Variants in NALF1 observed in about 807,000 individuals in gnomAD.
The protein encoded by NALF1 is family with sequence similarity 155 member A.
Under a neutral mutation model 48.4 loss-of-function variants are expected in NALF1, and 3 were observed. The observed-to-expected ratio is 0.06, with a 90% CI of 0.03 to 0.16. The LOEUF is 0.16. Among genes scored for constraint, NALF1 ranks in the 10% least tolerant of loss-of-function variants. The pLI is 1.00. For missense variants in NALF1, 526 were observed against 571.5 expected (o/e 0.92, Z 0.81); for synonymous variants, 262 against 245.7 (o/e 1.07, Z -0.62).
intron 1 of NALF1, among the ~76,000 whole-genome samples, chr13:107,541,057 T>C (rs1876985272): frequency 6.6e-6 from 1 of 152,162 alleles, no homozygotes; most frequent in Non-Finnish European, 1.5e-5. Flanking sequence ...TGACAGCCTC[T>C]TGTAATAAAC....
intron 1 of NALF1, among the ~76,000 whole-genome samples, chr13:107,655,021 G>A (rs1194830088): frequency 6.6e-6 from 1 of 152,014 alleles, no homozygotes; most frequent in Non-Finnish European, 1.5e-5. Flanking sequence ...AGTCATCTAC[G>A]ACAAACCCAC....
At chr13:107,456,471 C>T (rs1884827561) in intron 1 of NALF1, among the ~76,000 whole-genome samples, 1 of 152,172 alleles carries the variant, frequency 6.6e-6, no homozygotes, top group Non-Finnish European at 1.5e-5. Flanking sequence ...CAATGAAACT[C>T]TCCATTTGGC....
intron 1 of NALF1, among the ~76,000 whole-genome samples, chr13:107,563,803 GAAATA>G (rs1877713391): frequency 6.6e-6 from 1 of 152,184 alleles, no homozygotes; most frequent in Non-Finnish European, 1.5e-5. Flanking sequence ...TGGAGGGTTT[GAAATA>G]ACATTTACTT....
chr13:107,736,210 C>CAA (rs1489929353), intron 1 of NALF1, among the ~76,000 whole-genome samples: 65 of 5,898 alleles, frequency 0.011, 1 homozygote, highest in Admixed American at 0.019. Flanking sequence ...CACACACACA[C>CAA]ACACACACAC....
intron 1 of NALF1, among the ~76,000 whole-genome samples, chr13:107,393,547 T>C (rs1883661272): frequency 6.6e-6 from 1 of 152,184 alleles, no homozygotes; most frequent in South Asian, 2.1e-4. Context: ...GAAGGAGATG[T>C]TATTTAATTT....
intron 1 of NALF1, among the ~76,000 whole-genome samples, chr13:107,407,068 A>G (rs937886044): frequency 1.3e-5 from 2 of 152,094 alleles, no homozygotes; most frequent in African/African-American, 4.8e-5. Flanking sequence ...AGCCATATAC[A>G]GAAGAATGAA....
rs767748270 is a variant in NALF1 at position 107,866,230 on chromosome 13, G to C, written c.367C>G (p.Leu123Val). 6.3e-7 allele frequency: 1 copy of C among 1,595,420 alleles called. No individual in the cohort carries two copies. The highest frequency in any genetic ancestry group is 8.5e-7 in the Non-Finnish European group (1 of 1,172,148). ...AGGGTGGGGGACGAGGAGGCGGAGAGGAGTCTGTGTGCCTGGGCGGCGGGC... is the reference window on the plus strand; with the variant it reads ...AGGGTGGGGGACGAGGAGGCGGAGACGAGTCTGTGTGCCTGGGCGGCGGGC... ...SSPAAQAHRL[L>V]SASSSPTLPP... The change falls in exon 1 of 3, where the codon CTC becomes GTC. Residue 123 changes from leucine (L) to valine (V), a missense_variant. Physicochemically the swap from Leu to Val is conservative, Grantham distance 32. Coordinates refer to ENST00000375915, the MANE Select transcript of NALF1 (RefSeq NM_001080396.3). This position sits in a 1 kb window ranked among gnomAD's most constrained non-coding sequence, Gnocchi z 4.4.
chr13:107,724,387 A>G (rs1876087047), intron 1 of NALF1, among the ~76,000 whole-genome samples: 1 of 152,198 alleles, frequency 6.6e-6, no homozygotes, highest in East Asian at 1.9e-4. Context: ...CATAATCCTG[A>G]TTTTTATCTT....
chr13:107,584,266 C>A (rs965636399), intron 1 of NALF1, among the ~76,000 whole-genome samples: 4 of 152,032 alleles, frequency 2.6e-5, no homozygotes, highest in African/African-American at 9.7e-5. Context: ...AGACATATAT[C>A]ACAGTTATTT....
chr13:107,538,223 T>C (rs1876893859), intron 1 of NALF1, among the ~76,000 whole-genome samples: 1 of 152,168 alleles, frequency 6.6e-6, no homozygotes, highest in Non-Finnish European at 1.5e-5. Flanking sequence ...AGCCATGTAA[T>C]AAATGCATTT....
chr13:107,598,172 C>T lies in NALF1; in HGVS notation c.915+267510G>A, dbSNP rs548288712. ...ACAACATGCACACACAATACACACA[C>T]AGGCATACACACAACACTAATTTGT... On this transcript the variant is annotated intron_variant, in intron 1 of 2. Transcript: ENST00000375915. Among the ~76,000 whole-genome samples, 28 of 152,302 alleles carry T rather than the reference C, an allele frequency of 1.8e-4. No homozygotes were observed. The South Asian group carries it at 5.6e-3, about 30-fold the overall frequency.
chr13:107,689,459 TAA>T (rs1881517997), intron 1 of NALF1, among the ~76,000 whole-genome samples: 1 of 152,172 alleles, frequency 6.6e-6, no homozygotes, highest in African/African-American at 2.4e-5. Context: ...GAAATGAAAT[TAA>T]AACAGTTTTG....
chr13:107,863,358 T>A (rs1353835308), intron 1 of NALF1, among the ~76,000 whole-genome samples: 1 of 152,206 alleles, frequency 6.6e-6, no homozygotes, highest in Non-Finnish European at 1.5e-5. Flanking sequence ...TAAGAAACTA[T>A]GCTTCTACTC....
Position 107,186,151 on chromosome 13 carries a change from T to C in NALF1, c.1088-15365A>G, listed in dbSNP as rs778607019. Among the ~76,000 whole-genome samples, 7 of 152,150 alleles carry C rather than the reference T, an allele frequency of 4.6e-5. No homozygotes were observed. The South Asian group carries it at 8.3e-4, about 18-fold the overall frequency. Reference sequence around the variant, plus strand: ...TGTTTTGGTTATCAGACTGAAAAAATATAGTATACAAAGGGCTTGGTACTA... The same window carrying C: ...TGTTTTGGTTATCAGACTGAAAAAACATAGTATACAAAGGGCTTGGTACTA... On this transcript the variant is annotated intron_variant, in intron 2 of 2. Coordinates refer to ENST00000375915, the MANE Select transcript of NALF1 (RefSeq NM_001080396.3).
At chr13:107,286,420 C>T (rs981071650) in intron 1 of NALF1, among the ~76,000 whole-genome samples, 5 of 151,684 alleles carry the variant, frequency 3.3e-5, no homozygotes, top group Non-Finnish European at 7.4e-5. Context: ...ATCCTTTATG[C>T]CAGGGAGTTT....
intron 1 of NALF1, among the ~76,000 whole-genome samples, chr13:107,350,130 T>C (rs1023198607): frequency 4.6e-5 from 7 of 152,166 alleles, no homozygotes; most frequent in African/African-American, 1.7e-4. Flanking sequence ...TGCTCACCTC[T>C]TGCTATGCGG....
intron 1 of NALF1, among the ~76,000 whole-genome samples, chr13:107,819,085 T>A (rs539383036): frequency 6.6e-6 from 1 of 152,184 alleles, no homozygotes; most frequent in Non-Finnish European, 1.5e-5. Context: ...TGACAACCTG[T>A]AACTTTTGTA....
At chr13:107,745,718 A>T (rs1876764209) in intron 1 of NALF1, among the ~76,000 whole-genome samples, 1 of 152,060 alleles carries the variant, frequency 6.6e-6, no homozygotes, top group South Asian at 2.1e-4. Context: ...CCCCACCCAA[A>T]TGTCATGTTG....
At chr13:107,271,480 A>G (rs1250514638) in intron 1 of NALF1, among the ~76,000 whole-genome samples, 1 of 152,054 alleles carries the variant, frequency 6.6e-6, no homozygotes, top group Admixed American at 6.6e-5. Flanking sequence ...GCCAGGGACA[A>G]TGGAATTGCT....
Sources: allele counts gnomAD v4.1 joint callset (sites outside exome capture counted in the v4.1 genomes callset), GRCh38; gene constraint gnomAD v4.1.1; non-coding constraint Gnocchi (gnomAD v3.1); transcripts MANE v1.5; gene names NCBI Gene and HGNC (gene_info 2026-07-23, HGNC 2026-07-21).